Variants in RGS7 observed in about 807,000 individuals in gnomAD.
The protein encoded by RGS7 is regulator of G protein signaling 7, also known as regulator of G-protein signaling 7.
Under a neutral mutation model 81.1 loss-of-function variants are expected in RGS7, and 27 were observed. That is an observed-to-expected ratio of 0.33 (90% CI 0.25 to 0.46). The LOEUF (loss-of-function observed/expected upper bound fraction) is 0.46. Ranked by LOEUF, RGS7 falls within the 20% of genes least tolerant of loss-of-function variation. RGS7 has a pLI of 1.00. For synonymous variants in RGS7, 208 were observed against 207.7 expected, an observed-to-expected ratio of 1.00 and a Z score of -0.01; for missense variants, 396 against 607.4, an observed-to-expected ratio of 0.65 and a Z score of 3.66.
rs540961832 is a variant in RGS7, at chr1:240,809,694, A to G, written c.1082+2224T>C. ...GATGTGTGATGATCAGAAATAATGAATGCAAAATATAACAGCATACTTATA... is the reference window on the plus strand; with the variant it reads ...GATGTGTGATGATCAGAAATAATGAGTGCAAAATATAACAGCATACTTATA... On this transcript the variant is annotated intron_variant, in intron 14 of 18. Transcript: ENST00000440928. Among the ~76,000 whole-genome samples the G allele has an allele frequency of 2.6e-5, 4 of 152,342 alleles. No homozygotes were observed. The East Asian group carries it at 7.7e-4, about 29-fold the overall frequency.
chr1:241,136,034 G>T (rs1327970027), intron 2 of RGS7, among the ~76,000 whole-genome samples: 1 of 151,862 alleles, frequency 6.6e-6, no homozygotes, highest in East Asian at 1.9e-4. Flanking sequence ...GTTGACTGTG[G>T]ACAATAAAAG....
intron 6 of RGS7, among the ~76,000 whole-genome samples, chr1:240,912,150 C>T (rs1302134006): frequency 1.8e-5 from 1 of 55,782 alleles, no homozygotes; most frequent in Non-Finnish European, 2.8e-5. Context: ...GATTCTGTCT[C>T]AAAAAAAAAA....
At chr1:241,207,494 A>G (rs748939151) in intron 2 of RGS7, among the ~76,000 whole-genome samples, 1 of 152,064 alleles carries the variant, frequency 6.6e-6, no homozygotes, top group Non-Finnish European at 1.5e-5. Flanking sequence ...TATGAGACAG[A>G]CAAGACTACT....
chr1:241,181,136 C>T (rs765782421), intron 2 of RGS7, among the ~76,000 whole-genome samples: 5 of 152,268 alleles, frequency 3.3e-5, no homozygotes, highest in East Asian at 1.9e-4. Context: ...GGTGGACACA[C>T]GTCAGTGTAA....
At chr1:241,068,203 C>T (rs6667668) in intron 3 of RGS7, among the ~76,000 whole-genome samples, 75,247 of 116,838 alleles carry the variant, frequency 0.64, 24,483 homozygotes, top group East Asian at 0.87. Context: ...CTTTACTTTG[C>T]TTTTGGGTTC....
intron 4 of RGS7, among the ~76,000 whole-genome samples, chr1:240,961,357 A>G (rs1367323356): frequency 6.6e-6 from 1 of 152,100 alleles, no homozygotes; most frequent in African/African-American, 2.4e-5. Context: ...AAGTGATGTC[A>G]TGCAGGGGTG....
At chr1:241,112,238 T>G (rs140218444) in intron 2 of RGS7, among the ~76,000 whole-genome samples, 2 of 152,260 alleles carry the variant, frequency 1.3e-5, no homozygotes, top group East Asian at 3.9e-4. Flanking sequence ...AAATGTTACT[T>G]AAGTAATTTA....
At chr1:241,216,816 T>A (rs2074586007) in intron 2 of RGS7, among the ~76,000 whole-genome samples, 1 of 152,248 alleles carries the variant, frequency 6.6e-6, no homozygotes. Flanking sequence ...GGAACTGGTA[T>A]GGCCATCTTG....
chr1:240,900,995 A>G (rs138203567), intron 6 of RGS7, among the ~76,000 whole-genome samples: 19,350 of 151,962 alleles, frequency 0.13, 1,353 homozygotes, highest in Middle Eastern at 0.18. Context: ...CAGCAGTGGC[A>G]GACACCCCTC....
intron 2 of RGS7, among the ~76,000 whole-genome samples, chr1:241,146,385 C>T (rs1252651256): frequency 1.3e-5 from 2 of 152,182 alleles, no homozygotes; most frequent in Admixed American, 6.5e-5. Flanking sequence ...ATATAAGAGA[C>T]TTGAGCATCT....
chr1:240,954,201 C>T (rs894617531), intron 4 of RGS7, among the ~76,000 whole-genome samples: 2 of 151,960 alleles, frequency 1.3e-5, no homozygotes, highest in African/African-American at 4.8e-5. Flanking sequence ...TTCCATTTCT[C>T]CACAATGTCT....
intron 2 of RGS7, among the ~76,000 whole-genome samples, chr1:241,285,806 A>G (rs1028611976): frequency 2.0e-5 from 3 of 152,170 alleles, no homozygotes; most frequent in Non-Finnish European, 4.4e-5. Context: ...AATAGTTGAG[A>G]GTGCCCTCTG....
At chr1:240,879,768 T>G (rs958244487) in intron 6 of RGS7, among the ~76,000 whole-genome samples, 1 of 152,226 alleles carries the variant, frequency 6.6e-6, no homozygotes, top group African/African-American at 2.4e-5. Flanking sequence ...TTAGCATATC[T>G]TCACTCCCTC....
In RGS7 at chr1:240,904,326, G is replaced by A. The variant is rs139991452; in HGVS notation, c.385+26391C>T. 3.9e-3 allele frequency among the ~76,000 whole-genome samples: 592 copies of A among 152,268 alleles called. 2 individuals carry two copies. Among genetic ancestry groups the A allele is most frequent in the African/African-American group, 0.014 (569 of 41,556 alleles). ...ACAAAGCTTTGACATTTCTTAAAGT[G>A]CACTCTGCTGCATTTTGTGTGTGGT... On this transcript the variant is annotated intron_variant, in intron 6 of 18. Transcript: ENST00000440928.
At chr1:241,206,169 GT>G (rs1213656103) in intron 2 of RGS7, among the ~76,000 whole-genome samples, 3 of 150,932 alleles carry the variant, frequency 2.0e-5, no homozygotes, top group African/African-American at 7.3e-5. Flanking sequence ...TTCTTAATTG[GT>G]TTTGCTGTTG....
intron 18 of RGS7, among the ~76,000 whole-genome samples, chr1:240,778,130 G>A (rs113661625): frequency 5.7e-5 from 7 of 123,088 alleles, no homozygotes; most frequent in African/African-American, 6.2e-5. Context: ...AAAGGCCCTG[G>A]CTCCTAATAC....
At chr1:240,840,336 T>G (rs1036111524) in intron 9 of RGS7, among the ~76,000 whole-genome samples, 6 of 151,978 alleles carry the variant, frequency 3.9e-5, no homozygotes, top group African/African-American at 1.4e-4. Flanking sequence ...TGCAATAGCA[T>G]GAACTCAGCT....
At chr1:241,257,666 G>C (rs1188590901) in intron 2 of RGS7, among the ~76,000 whole-genome samples, 1 of 152,132 alleles carries the variant, frequency 6.6e-6, no homozygotes, top group East Asian at 1.9e-4. Context: ...CCAATGGTAA[G>C]GAGATTCTTT....
chr1:241,083,154 G>C (rs551630488), intron 3 of RGS7, among the ~76,000 whole-genome samples: 6 of 151,028 alleles, frequency 4.0e-5, no homozygotes, highest in Non-Finnish European at 8.8e-5. Context: ...GAATCTGGGA[G>C]GCAAGAGGTT....
Sources: gnomAD v4.1 joint callset for allele counts (sites outside exome capture counted in the v4.1 genomes callset) on GRCh38, gnomAD v4.1.1 for gene constraint, MANE v1.5 for transcripts, NCBI Gene and HGNC (gene_info 2026-07-23, HGNC 2026-07-21) for gene names.